The following MANEA variants were observed in gnomAD, a reference collection of about 807,000 sequenced individuals.
MANEA encodes glycoprotein endo-alpha-1,2-mannosidase.
In MANEA, 25 loss-of-function variants were observed where a neutral mutation model predicts 36.8. The observed-to-expected ratio is 0.68, with a 90% confidence interval of 0.50 to 0.95. The LOEUF (loss-of-function observed/expected upper bound fraction) is 0.95. MANEA is among the 40% of genes least tolerant of loss of function. The pLI, the probability that MANEA is intolerant of heterozygous loss-of-function variation, is 0.00. For missense variants in MANEA, 565 were observed against 558.8 expected, an observed-to-expected ratio of 1.01 and a Z score of -0.11; for synonymous variants, 198 against 188.5, an observed-to-expected ratio of 1.05 and a Z score of -0.41.
At position 95,606,411 on chromosome 6, in the gene MANEA, T is replaced by A. The variant is rs1399725430; in HGVS notation, c.*6T>A. 1 of 1,574,530 alleles carries A rather than the reference T, an allele frequency of 6.4e-7. No homozygotes were observed. On this transcript the variant is annotated 3_prime_UTR_variant, in exon 5 of 5. Coordinates refer to ENST00000358812, the MANE Select transcript of MANEA (RefSeq NM_024641.4). ...GCCAGCTGCCTGTTTCTTAATGCAT[T>A]GATTAAAGTTTAATAGTTATCAAAA...
intron 3 of MANEA, among the ~76,000 whole-genome samples, chr6:95,603,052 A>AAAAAC (rs539732085): frequency 2.7e-4 from 37 of 139,356 alleles, no homozygotes; most frequent in African/African-American, 9.7e-4. Context: ...AAAAAAAAAA[A>AAAAAC]TTGCAAAGTA....
rs1269490912 is a variant in MANEA at position 95,606,375 on chromosome 6, T to C, written c.1359T>C (p.Tyr453=). Residue 453 remains tyrosine (Y), a synonymous_variant, in exon 5 of 5, where the codon TAT becomes TAC. Coordinates refer to ENST00000358812, the MANE Select transcript of MANEA (RefSeq NM_024641.4). ...AATACAGTAAGGAAAGAGCAACTTATGCATTAGATCGCCAGCTGCCTGTTT... is the reference window on the plus strand; with the variant it reads ...AATACAGTAAGGAAAGAGCAACTTACGCATTAGATCGCCAGCTGCCTGTTT... The part of the protein sequence containing the change: ...SEKYSKERAT[Y]ALDRQLPVS 3 of 1,599,520 alleles carry C rather than the reference T, an allele frequency of 1.9e-6. No homozygotes were observed. Among genetic ancestry groups the C allele is most frequent in the African/African-American group, 1.3e-5 (1 of 74,904 alleles).
In MANEA at chr6:95,608,923, T is replaced by A. The variant is rs1299599311; in HGVS notation, c.*2518T>A. The A allele has an allele frequency of 2.6e-5, 4 of 151,806 alleles. No homozygotes were observed. Among genetic ancestry groups the A allele is most frequent in the African/African-American group, 7.2e-5 (3 of 41,400 alleles). 9.4% of individuals were successfully genotyped at this position (151,806 alleles called of 1,614,324 possible). ...AAAAAGAGTCTGTACATCTTCAGAGTTTCAGTCGGCAATTTCTTGGCCATG... is the reference window on the plus strand; with the variant it reads ...AAAAAGAGTCTGTACATCTTCAGAGATTCAGTCGGCAATTTCTTGGCCATG... On this transcript the variant is annotated 3_prime_UTR_variant, in exon 5 of 5. Transcript: ENST00000358812.
chr6:95,607,887 G>C lies in MANEA; in HGVS notation c.*1482G>C, dbSNP rs962174838. The C allele has an allele frequency of 6.6e-6, 1 of 151,534 alleles. No homozygotes were observed. Among genetic ancestry groups the C allele is most frequent in the Admixed American group, 6.6e-5 (1 of 15,174 alleles). The allele number at this position is 151,534 out of a possible 1,614,324, so 9.4% of individuals were successfully genotyped here. On this transcript the variant is annotated 3_prime_UTR_variant, in exon 5 of 5. Coordinates refer to ENST00000358812, the MANE Select transcript of MANEA (RefSeq NM_024641.4). ...TTCAGAGTATAAAGACATCCATTCA[G>C]AAACAAAAATTAGCACTAAATTTTT...
intron 1 of MANEA, among the ~76,000 whole-genome samples, chr6:95,584,386 T>C (rs1277949885): frequency 2.6e-5 from 4 of 152,162 alleles, no homozygotes; most frequent in Non-Finnish European, 5.9e-5. Context: ...AAGAATTGCA[T>C]TCCTCGGGGG....
At chr6:95,578,229 C>T (rs1056416071) in intron 1 of MANEA, among the ~76,000 whole-genome samples, 1 of 152,164 alleles carries the variant, frequency 6.6e-6, no homozygotes, top group African/African-American at 2.4e-5. Context: ...GACTCTTAGC[C>T]TTTGCTAAGT....
rs1430873351 is a variant in MANEA, at chr6:95,577,572, CT to C, written c.-104del. The C allele has an allele frequency of 6.6e-6, 1 of 152,464 alleles. No individual in the cohort carries two copies. The highest frequency in any genetic ancestry group is 2.4e-5 in the African/African-American group (1 of 41,458). 9.4% of individuals were successfully genotyped at this position (152,464 alleles called of 1,614,324 possible). ...GGGCTCGGGGCGCGGCGGCAGTCAG[CT>C]CTATGTTCGCGGTCTTAACCTCTCC... On this transcript the variant is annotated 5_prime_UTR_variant, in exon 1 of 5. Transcript: ENST00000358812.
intron 2 of MANEA, among the ~76,000 whole-genome samples, chr6:95,594,855 A>T (rs1171450673): frequency 1.3e-5 from 2 of 152,148 alleles, no homozygotes; most frequent in African/African-American, 4.8e-5. Flanking sequence ...TGCTTGGGGC[A>T]AACAGACCTC....
chr6:95,593,189 C>T (rs1342467021), intron 2 of MANEA, among the ~76,000 whole-genome samples: 1 of 152,122 alleles, frequency 6.6e-6, no homozygotes, highest in Non-Finnish European at 1.5e-5. Flanking sequence ...ATTGTAAATT[C>T]CCAACACTCC....
intron 1 of MANEA, among the ~76,000 whole-genome samples, chr6:95,582,300 C>G (rs1043593420): frequency 1.3e-5 from 2 of 150,452 alleles, no homozygotes; most frequent in African/African-American, 2.4e-5. Context: ...TCTCCTGCCT[C>G]AGCCTCCCGA....
At position 95,597,236 on chromosome 6, in the gene MANEA, A is replaced by G. The variant is rs115939838; in HGVS notation, c.654+390A>G. Among the ~76,000 whole-genome samples the G allele has an allele frequency of 6.8e-3, 1,032 of 152,132 alleles. 13 individuals are homozygous for G. The highest frequency in any genetic ancestry group is 0.034 in the Middle Eastern group (10 of 294). On this transcript the variant is annotated intron_variant, in intron 3 of 4. Coordinates refer to ENST00000358812, the MANE Select transcript of MANEA (RefSeq NM_024641.4). ...TTGCTCAAATATTTTTCAAAATCCA[A>G]TTTTCATTTAAACCTTATTTAATGT...
At position 95,605,764 on chromosome 6, in the gene MANEA, G is replaced by T; in HGVS notation, c.748G>T (p.Ala250Ser). ...ATTTTCTAGATATGGAAATCATCCG[G>T]CCTTTTACAGGTACAAGACGAAGAC... is the stretch of plus-strand genomic sequence containing the variant. The part of the protein sequence containing the change: ...YIIDKYGNHP[A>S]FYRYKTKTGN... Residue 250 changes from alanine to serine, a missense_variant, in exon 5 of 5, where the codon GCC (alanine) becomes TCC (serine). Coordinates refer to ENST00000358812, the MANE Select transcript of MANEA (RefSeq NM_024641.4). 2 of 1,608,710 alleles carry T rather than the reference G, an allele frequency of 1.2e-6. No individual in the cohort carries two copies. The highest frequency in any genetic ancestry group is 8.5e-7 in the Non-Finnish European group (1 of 1,176,202).
At chr6:95,577,808 A>C (rs1037313650) in intron 1 of MANEA, among the ~76,000 whole-genome samples, 170 bp downstream of exon 1, 1 of 152,198 alleles carries the variant, frequency 6.6e-6, no homozygotes, top group Non-Finnish European at 1.5e-5. Flanking sequence ...GGTGGCGCCC[A>C]GCGGCGAGCC....
chr6:95,595,960 T>C (rs1349919898), intron 2 of MANEA, among the ~76,000 whole-genome samples: 10 of 152,144 alleles, frequency 6.6e-5, no homozygotes, highest in Non-Finnish European at 1.3e-4. Flanking sequence ...AAGATGTCCT[T>C]CATTAGGTGA....
At chr6:95,595,419 C>T (rs4461742) in intron 2 of MANEA, among the ~76,000 whole-genome samples, 90,736 of 151,880 alleles carry the variant, frequency 0.6, 27,494 homozygotes, top group East Asian at 0.87. Flanking sequence ...TTCTATGTTT[C>T]GTTCTAGTTG....
At chr6:95,592,529 G>A (rs898905922) in intron 2 of MANEA, among the ~76,000 whole-genome samples, 2 of 151,984 alleles carry the variant, frequency 1.3e-5, no homozygotes, top group Non-Finnish European at 2.9e-5. Flanking sequence ...ATTGTGTTAC[G>A]TCTAGAAATG....
intron 1 of MANEA, among the ~76,000 whole-genome samples, chr6:95,581,676 G>A (rs1769185037): frequency 6.6e-6 from 1 of 152,162 alleles, no homozygotes; most frequent in African/African-American, 2.4e-5. Flanking sequence ...AACTAAGTGT[G>A]ACTGATTTGA....
chr6:95,582,947 C>T (rs915491364), intron 1 of MANEA, among the ~76,000 whole-genome samples: 1 of 152,140 alleles, frequency 6.6e-6, no homozygotes, highest in Non-Finnish European at 1.5e-5. Flanking sequence ...GTGTTTTTCT[C>T]AGTACGGGTT....
At position 95,606,262 on chromosome 6, in the gene MANEA, C is replaced by G. The variant is rs753505075; in HGVS notation, c.1246C>G (p.Pro416Ala). 1.9e-6 allele frequency: 3 copies of G among 1,613,594 alleles called. No individual in the cohort carries two copies. The highest frequency in any genetic ancestry group is 4.5e-5 in the East Asian group (2 of 44,858). ...AGGAACTCAGATTGAAAAAGCTGTT[C>G]CCAAAAGAACCAGTAATACAGTGTA... ...HEGTQIEKAV[P>A]KRTSNTVYLD... The change falls in exon 5 of 5, where the codon CCC becomes GCC. Residue 416 changes from proline to alanine, a missense_variant. Coordinates refer to ENST00000358812, the MANE Select transcript of MANEA (RefSeq NM_024641.4).
Sources: gnomAD v4.1 joint callset for allele counts (sites outside exome capture counted in the v4.1 genomes callset) on GRCh38, gnomAD v4.1.1 for gene constraint, MANE v1.5 for transcripts, NCBI Gene and HGNC (gene_info 2026-07-23, HGNC 2026-07-21) for gene names.